FANK1: variants seen among roughly 807,000 people sequenced by gnomAD.
FANK1 encodes fibronectin type 3 and ankyrin repeat domains protein 1.
FANK1 carries 44 observed loss-of-function variants against 45.3 expected under a neutral mutation model. The observed-to-expected ratio is 0.97, with a 90% CI of 0.76 to 1.25. FANK1 has a LOEUF of 1.25. Ranked by LOEUF, FANK1 falls within the 50% of genes most tolerant of loss-of-function variation. FANK1 has a pLI of 0.00. For missense variants in FANK1, 391 were observed against 424.4 expected (o/e 0.92, Z 0.69); for synonymous variants, 149 against 152.5 (o/e 0.98, Z 0.17).
intron 1 of FANK1, among the ~76,000 whole-genome samples, chr10:125,946,547 A>G (rs1490516416): frequency 6.6e-6 from 1 of 151,824 alleles, no homozygotes; most frequent in Non-Finnish European, 1.5e-5. Flanking sequence ...GTGAGAAGGG[A>G]AGTTTAGAGA....
chr10:125,919,413 C>T (rs1946775229), intron 1 of FANK1, among the ~76,000 whole-genome samples: 1 of 151,926 alleles, frequency 6.6e-6, no homozygotes, highest in Non-Finnish European at 1.5e-5. Context: ...ACCATGTTGG[C>T]CAGGCTGGTC....
At chr10:125,907,475 T>G in intron 1 of FANK1, 1 of 985,358 alleles carries the variant, frequency 1.0e-6, no homozygotes, top group Non-Finnish European at 1.2e-6. Context: ...GGATCACTGC[T>G]CAGCCTTTTG....
chr10:125,902,938 TAATA>T (rs1945165768), intron 1 of FANK1, among the ~76,000 whole-genome samples: 1 of 152,220 alleles, frequency 6.6e-6, no homozygotes, highest in African/African-American at 2.4e-5. Flanking sequence ...AATAAATGCT[TAATA>T]AATCAAGATT....
chr10:125,928,394 G>GT (rs1055166047), intron 1 of FANK1, among the ~76,000 whole-genome samples: 1 of 151,890 alleles, frequency 6.6e-6, no homozygotes, highest in Non-Finnish European at 1.5e-5. Flanking sequence ...CACCATCTTG[G>GT]TTTTAGTAGG....
chr10:126,002,763 C>CTTTTTTT (rs375158618), intron 6 of FANK1, among the ~76,000 whole-genome samples: 4 of 113,230 alleles, frequency 3.5e-5, no homozygotes, highest in Non-Finnish European at 5.3e-5. Flanking sequence ...TTTGCCTCTC[C>CTTTTTTT]TTTTTTTTTT....
intron 2 of FANK1, among the ~76,000 whole-genome samples, chr10:125,987,898 C>G (rs1462480304): frequency 2.6e-5 from 4 of 152,210 alleles, no homozygotes; most frequent in Non-Finnish European, 5.9e-5. Context: ...CTCAGTACTA[C>G]TTCCCTCTGG....
At chr10:125,959,320 AG>A (rs988052331) in intron 1 of FANK1, among the ~76,000 whole-genome samples, 5 of 146,250 alleles carry the variant, frequency 3.4e-5, no homozygotes, top group African/African-American at 1.0e-4. Context: ...AGGCTGAGGC[AG>A]GGGAGTTGTT....
chr10:125,974,400 A>T (rs1258764195), intron 1 of FANK1, among the ~76,000 whole-genome samples: 6 of 152,058 alleles, frequency 3.9e-5, no homozygotes, highest in African/African-American at 1.4e-4. Flanking sequence ...CTTTTTTTTT[A>T]AATGAACAAT....
At chr10:125,900,728 T>A (rs964795905) in intron 1 of FANK1, among the ~76,000 whole-genome samples, 4 of 152,214 alleles carry the variant, frequency 2.6e-5, no homozygotes, top group Admixed American at 2.6e-4. Context: ...CTTGGCTCAC[T>A]GCAACCTCCG....
chr10:125,985,535 T>C (rs1448133733), intron 2 of FANK1, among the ~76,000 whole-genome samples: 1 of 152,248 alleles, frequency 6.6e-6, no homozygotes, highest in Non-Finnish European at 1.5e-5. Context: ...TTTTAACACT[T>C]ATCTACTTCT....
intron 1 of FANK1, among the ~76,000 whole-genome samples, chr10:125,971,844 G>A (rs574098284): frequency 3.2e-4 from 49 of 152,164 alleles, no homozygotes; most frequent in East Asian, 2.9e-3. Flanking sequence ...GGATGGTCTC[G>A]ATCTCGTGAC....
intron 3 of FANK1, chr10:125,989,416 C>T (rs1278381608): frequency 6.7e-7 from 1 of 1,483,782 alleles, no homozygotes; most frequent in Non-Finnish European, 9.2e-7. Flanking sequence ...AGCTCTTTTT[C>T]CGTTTTATTC....
At chr10:125,946,175 A>G (rs1293100508) in intron 1 of FANK1, among the ~76,000 whole-genome samples, 3 of 152,024 alleles carry the variant, frequency 2.0e-5, no homozygotes, top group African/African-American at 7.2e-5. Context: ...GAACAGAAAA[A>G]CTGGAAACTC....
chr10:125,990,062 A>T (rs1951824192), intron 3 of FANK1, among the ~76,000 whole-genome samples: 1 of 152,184 alleles, frequency 6.6e-6, no homozygotes, highest in Non-Finnish European at 1.5e-5. Context: ...ATGGGCAAGC[A>T]TGGCAGGGGC....
intron 1 of FANK1, among the ~76,000 whole-genome samples, chr10:125,900,913 G>A (rs111622671): frequency 6.6e-6 from 1 of 151,902 alleles, no homozygotes; most frequent in African/African-American, 2.4e-5. Context: ...GCCTCCCAAA[G>A]TGCTGGGATT....
chr10:125,994,986 G>A lies in FANK1; in HGVS notation c.317-431G>A, dbSNP rs1408338308. Reference sequence around the variant, plus strand: ...GTAAGTCACATTCCTGGGAAGAACTGAAAATTTTAATTTCAAATGTTAAAG... The same window carrying A: ...GTAAGTCACATTCCTGGGAAGAACTAAAAATTTTAATTTCAAATGTTAAAG... On this transcript the variant is annotated intron_variant, in intron 3 of 10. Coordinates refer to ENST00000368693, the MANE Select transcript of FANK1 (RefSeq NM_145235.5). The A allele has an allele frequency of 4.1e-6, 4 of 966,510 alleles. No individual in the cohort carries two copies. In the African/African-American group the frequency reaches 5.3e-5, roughly 13 times the overall value. 59.9% of individuals were successfully genotyped at this position (966,510 alleles called of 1,614,324 possible). A position where few individuals can be genotyped will look rare whatever the true frequency, so the allele number is the denominator to read the frequency against.
chr10:125,924,186 G>GT (rs1161527845), intron 1 of FANK1, among the ~76,000 whole-genome samples: 1 of 151,436 alleles, frequency 6.6e-6, no homozygotes, highest in East Asian at 1.9e-4. Context: ...TCATTTGTTT[G>GT]TTATGTTTTT....
At position 125,942,295 on chromosome 10, in the gene FANK1, C is replaced by T. The variant is rs987083594; in HGVS notation, c.14-37866C>T. On this transcript the variant is annotated intron_variant, in intron 1 of 10. Coordinates refer to ENST00000368693, the MANE Select transcript of FANK1 (RefSeq NM_145235.5). ...ATTTGTTCTTAGAAAAATTTATTCT[C>T]GATGGATTGATAGGTGCAGCAAACC... is the stretch of plus-strand genomic sequence containing the variant. Among the ~76,000 whole-genome samples the T allele has an allele frequency of 2.6e-5, 4 of 152,094 alleles. No homozygotes were observed. The East Asian group carries it at 5.8e-4, about 22-fold the overall frequency.
chr10:125,985,431 A>T (rs2134206940), intron 2 of FANK1, among the ~76,000 whole-genome samples: 1 of 152,302 alleles, frequency 6.6e-6, no homozygotes, highest in Non-Finnish European at 1.5e-5. Flanking sequence ...TTTTAGTTTT[A>T]AAAAAATTAT....
Sources: gnomAD v4.1 joint callset for allele counts (sites outside exome capture counted in the v4.1 genomes callset) on GRCh38, gnomAD v4.1.1 for gene constraint, MANE v1.5 for transcripts, NCBI Gene and HGNC (gene_info 2026-07-23, HGNC 2026-07-21) for gene names.